The following PHEX variants were observed in gnomAD, a reference collection of about 807,000 sequenced individuals.
The protein encoded by PHEX is phosphate-regulating neutral endopeptidase PHEX.
PHEX carries 16 observed loss-of-function variants against 68.0 expected under a neutral mutation model. The observed-to-expected ratio is 0.24, with a 90% CI of 0.16 to 0.36. The LOEUF is 0.36. PHEX is among the 10% of genes least tolerant of loss of function. The pLI is 1.00. For synonymous variants in PHEX, 208 were observed against 205.1 expected (o/e 1.01, Z -0.12); for missense variants, 480 against 575.5 (o/e 0.83, Z 1.70).
At position 22,077,626 on chromosome X, in the gene PHEX, G is replaced by T. The variant is rs1394418645; in HGVS notation, c.587G>T (p.Gly196Val). ...CTGCAGACACTTGCAACGTTTCGTG[G>T]TCAATACAGCAATTCTGTGTTCATC... ...SLLQTLATFR[G>V]QYSNSVFIRL... The change falls in exon 5 of 22, where the codon GGT (glycine) becomes GTT (valine). Residue 196 changes from glycine (G) to valine (V), a missense_variant. Physicochemically the swap from Gly to Val is moderately radical, Grantham distance 109. Transcript: ENST00000379374. 1.7e-6 allele frequency: 2 copies of T among 1,209,050 alleles called. No homozygotes were observed. The highest frequency in any genetic ancestry group is 3.5e-5 in the African/African-American group (2 of 57,037).
intron 12 of PHEX, among the ~76,000 whole-genome samples, chrX:22,143,279 G>GA (rs1380441201): frequency 8.9e-6 from 1 of 112,214 alleles, no homozygotes; most frequent in Non-Finnish European, 1.9e-5. Flanking sequence ...GCGGCTAGAA[G>GA]AAAGGACTTG....
At chrX:22,212,498 G>T (rs1934960655) in intron 15 of PHEX, among the ~76,000 whole-genome samples, 2 of 111,628 alleles carry the variant, frequency 1.8e-5, no homozygotes, top group South Asian at 3.9e-4. Flanking sequence ...CAAGATAGTG[G>T]CAGGAGAAGA....
chrX:22,045,232 T>G (rs779872990), intron 2 of PHEX, among the ~76,000 whole-genome samples: 4 of 112,114 alleles, frequency 3.6e-5, no homozygotes, highest in African/African-American at 1.3e-4. Context: ...CTGTAAGATA[T>G]GTATCTAAAT....
At chrX:22,231,714 A>C (rs893602853) in intron 20 of PHEX, among the ~76,000 whole-genome samples, 6 of 111,385 alleles carry the variant, frequency 5.4e-5, no homozygotes, top group African/African-American at 2.0e-4. Flanking sequence ...CTTTTCAAAA[A>C]ACCAGCTCCT....
intron 2 of PHEX, among the ~76,000 whole-genome samples, chrX:22,043,672 C>G (rs150845948): frequency 3.6e-5 from 4 of 111,588 alleles, no homozygotes; most frequent in Non-Finnish European, 7.5e-5. Context: ...ATTATTATTA[C>G]TACTCTCTCC....
chrX:22,201,942 T>C (rs776406179), intron 15 of PHEX, among the ~76,000 whole-genome samples: 1 of 107,763 alleles, frequency 9.3e-6, no homozygotes, highest in Non-Finnish European at 1.9e-5. Context: ...GGTCACAGTC[T>C]CATTTGTCTT....
At chrX:22,209,709 T>TC (rs1934834308) in intron 15 of PHEX, among the ~76,000 whole-genome samples, 17 of 70,319 alleles carry the variant, frequency 2.4e-4, no homozygotes, top group African/African-American at 9.5e-4. Flanking sequence ...TCTCCCTCTC[T>TC]TCCCTCTGCT....
chrX:22,222,413 TG>T (rs1935299499), intron 18 of PHEX, among the ~76,000 whole-genome samples: 2 of 111,739 alleles, frequency 1.8e-5, no homozygotes, highest in African/African-American at 6.5e-5. Context: ...TTTATGAACT[TG>T]GGCAAGTTAC....
At chrX:22,205,941 A>G (rs1235109573) in intron 15 of PHEX, among the ~76,000 whole-genome samples, 4 of 112,250 alleles carry the variant, frequency 3.6e-5, no homozygotes, top group Non-Finnish European at 7.5e-5. Context: ...TCACAAACAT[A>G]AAAAGGAAGA....
chrX:22,178,892 C>G (rs1424439493), intron 14 of PHEX, among the ~76,000 whole-genome samples: 1 of 111,410 alleles, frequency 9.0e-6, no homozygotes, highest in African/African-American at 3.3e-5. Context: ...GGAGTTTTTC[C>G]TACAGATAGG....
At chrX:22,204,579 C>T (rs1326842586) in intron 15 of PHEX, among the ~76,000 whole-genome samples, 1 of 111,606 alleles carries the variant, frequency 9.0e-6, no homozygotes, top group Non-Finnish European at 1.9e-5. Flanking sequence ...GCCCATGTGG[C>T]TTAGGACATC....
chrX:22,225,472 A>AGTT (rs1230377058), intron 18 of PHEX, among the ~76,000 whole-genome samples: 5 of 111,379 alleles, frequency 4.5e-5, no homozygotes, highest in African/African-American at 1.6e-4. Context: ...GTTATACAAG[A>AGTT]GTTGAATGAC....
chrX:22,199,708 T>C (rs66492014), intron 15 of PHEX, among the ~76,000 whole-genome samples: 6,794 of 111,879 alleles, frequency 0.061, 526 homozygotes, highest in African/African-American at 0.21. Flanking sequence ...AGAGTAGTGA[T>C]GCTGGCAATT....
In PHEX at chrX:22,212,920, G is replaced by A; in HGVS notation, c.1662G>A (p.Glu554=). The change falls in exon 16 of 22, where the codon GAG becomes GAA. Residue 554 remains glutamate (E), a synonymous_variant. Coordinates refer to ENST00000379374, the MANE Select transcript of PHEX (RefSeq NM_000444.6). ...TTCTCATAGGATTTCCAGCAGGAGA[G>A]CTCCAGAAGCCTTTCTTTTGGGGAA... ...STNQIRFPAG[E]LQKPFFWGTE... 1 of 1,205,525 alleles carries A rather than the reference G, an allele frequency of 8.3e-7. No individual in the cohort carries two copies. Among genetic ancestry groups the A allele is most frequent in the Non-Finnish European group, 1.1e-6 (1 of 889,933 alleles).
chrX:22,238,331 G>T (rs1265571480), intron 20 of PHEX, among the ~76,000 whole-genome samples: 2 of 111,721 alleles, frequency 1.8e-5, no homozygotes, highest in African/African-American at 6.5e-5. Flanking sequence ...AAGCACAAGG[G>T]GTTGGGGGAT....
rs1390776585 is a variant in PHEX at position 22,249,484 on chromosome X, A to ATATG, written c.*1535_*1538dup. 16 of 86,633 alleles carry ATATG rather than the reference A, an allele frequency of 1.8e-4. No individual in the cohort carries two copies. Among genetic ancestry groups the ATATG allele is most frequent in the African/African-American group, 7.8e-4 (16 of 20,468 alleles). 7.1% of individuals were successfully genotyped at this position (86,633 alleles called of 1,213,427 possible). ...TATATATATATATATATATATATAT[A>ATATG]TATGTATATCTACCTAAGTGTGTGC... On this transcript the variant is annotated 3_prime_UTR_variant, in exon 22 of 22. Transcript: ENST00000379374.
rs1247388459 is a variant in PHEX at position 22,209,779 on chromosome X, TC to T, written c.1646-3123del. Among the ~76,000 whole-genome samples, 116 of 89,100 alleles carry T rather than the reference TC, an allele frequency of 1.3e-3. 3 individuals are homozygous for T. Among genetic ancestry groups the T allele is most frequent in the African/African-American group, 4.9e-3 (108 of 21,882 alleles). 77.4% of individuals were successfully genotyped at this position (89,100 alleles called of 115,157 possible). Reference sequence around the variant, plus strand: ...CTCCCTCTCCTCCCTCTCCTCCCTCTCCTCCCTCTCTCTCTCCCTCTCCCTC... The same window carrying T: ...CTCCCTCTCCTCCCTCTCCTCCCTCTCTCCCTCTCTCTCTCCCTCTCCCTC... On this transcript the variant is annotated intron_variant, in intron 15 of 21. Transcript: ENST00000379374.
chrX:22,167,652 C>T (rs1402665124), intron 12 of PHEX, among the ~76,000 whole-genome samples: 11 of 108,022 alleles, frequency 1.0e-4, no homozygotes, highest in Non-Finnish European at 1.3e-4. Flanking sequence ...CCACCATGCC[C>T]GGCTTTTTTT....
In PHEX at chrX:22,205,822, A is replaced by C. The variant is rs183619867; in HGVS notation, c.1646-7082A>C. Among the ~76,000 whole-genome samples, 862 of 112,017 alleles carry C rather than the reference A, an allele frequency of 7.7e-3. 8 individuals carry two copies. Among genetic ancestry groups the C allele is most frequent in the African/African-American group, 0.025 (789 of 31,010 alleles). ...GGAACTTAAAATTAATGCTGCAGTA[A>C]AGTGAACGCAACAATGAATGTAGGG... On this transcript the variant is annotated intron_variant, in intron 15 of 21. Coordinates refer to ENST00000379374, the MANE Select transcript of PHEX (RefSeq NM_000444.6).
Sources: gnomAD v4.1 joint callset for allele counts (sites outside exome capture counted in the v4.1 genomes callset) on GRCh38, gnomAD v4.1.1 for gene constraint, MANE v1.5 for transcripts, NCBI Gene and HGNC (gene_info 2026-07-23, HGNC 2026-07-21) for gene names.